The following GPC5 variants were observed in gnomAD, a reference collection of about 807,000 sequenced individuals.
The protein encoded by GPC5 is glypican-5.
Under a neutral mutation model 53.9 loss-of-function variants are expected in GPC5, and 47 were observed. The observed-to-expected ratio is 0.87, with a 90% CI of 0.69 to 1.11. The LOEUF is 1.11. GPC5 is among the 50% of genes most tolerant of loss of function. The pLI is 0.00. For missense variants in GPC5, 748 were observed against 713.1 expected (o/e 1.05, Z -0.56); for synonymous variants, 286 against 263.3 (o/e 1.09, Z -0.84).
chr13:92,660,945 A>G (rs9523755), intron 7 of GPC5, among the ~76,000 whole-genome samples: 87,220 of 151,816 alleles, frequency 0.57, 28,318 homozygotes, highest in Non-Finnish European at 0.75. Flanking sequence ...AACAACTTTT[A>G]TATTAGATAG....
At chr13:91,706,980 G>A (rs1384771063) in intron 3 of GPC5, among the ~76,000 whole-genome samples, 1 of 151,898 alleles carries the variant, frequency 6.6e-6, no homozygotes, top group Non-Finnish European at 1.5e-5. Flanking sequence ...AATAGAAATA[G>A]AAAACTGGAA....
intron 5 of GPC5, among the ~76,000 whole-genome samples, chr13:91,795,341 T>A (rs1594570970): frequency 1.3e-5 from 2 of 152,312 alleles, no homozygotes; most frequent in East Asian, 3.9e-4. Flanking sequence ...TTAAAGGATT[T>A]CTCATTGAAA....
At chr13:92,119,152 G>C (rs370753535) in intron 6 of GPC5, among the ~76,000 whole-genome samples, 1 of 152,072 alleles carries the variant, frequency 6.6e-6, no homozygotes, top group Non-Finnish European at 1.5e-5. Context: ...CTTACATGGC[G>C]GCAGGCAAGA....
chr13:91,921,265 T>C (rs2039711408), intron 6 of GPC5, among the ~76,000 whole-genome samples: 1 of 152,098 alleles, frequency 6.6e-6, no homozygotes, highest in Non-Finnish European at 1.5e-5. Context: ...ACCTTTTGTA[T>C]AGAGCTGCTG....
At chr13:92,496,195 T>C (rs1461944823) in intron 7 of GPC5, among the ~76,000 whole-genome samples, 1 of 152,162 alleles carries the variant, frequency 6.6e-6, no homozygotes, top group Non-Finnish European at 1.5e-5. Flanking sequence ...TTATTGATCA[T>C]TTGTGTTTGA....
chr13:92,344,391 G>C (rs1421252620), intron 7 of GPC5, among the ~76,000 whole-genome samples: 1 of 152,118 alleles, frequency 6.6e-6, no homozygotes, highest in Non-Finnish European at 1.5e-5. Flanking sequence ...TGCAAGTCAA[G>C]ATGAGATTTG....
chr13:91,552,521 G>A (rs2030701884), intron 2 of GPC5, among the ~76,000 whole-genome samples: 1 of 151,960 alleles, frequency 6.6e-6, no homozygotes, highest in African/African-American at 2.4e-5. Flanking sequence ...TTTATTAACA[G>A]CAAACCAGTC....
intron 7 of GPC5, among the ~76,000 whole-genome samples, chr13:92,695,188 C>T (rs1031178753): frequency 5.9e-5 from 9 of 152,128 alleles, no homozygotes; most frequent in African/African-American, 2.2e-4. Flanking sequence ...CGACTACAAG[C>T]AGTTTTTCAT....
At chr13:91,800,565 T>G (rs968000296) in intron 5 of GPC5, among the ~76,000 whole-genome samples, 9 of 152,138 alleles carry the variant, frequency 5.9e-5, no homozygotes, top group African/African-American at 2.2e-4. Context: ...CTTCACTGTT[T>G]ACGTTTTCAA....
intron 2 of GPC5, among the ~76,000 whole-genome samples, chr13:91,465,437 G>A (rs1191605339): frequency 6.6e-6 from 1 of 151,974 alleles, no homozygotes; most frequent in African/African-American, 2.4e-5. Flanking sequence ...TCTGTGTCTG[G>A]CTTCTTCCAC....
chr13:91,712,312 GTATATGTGTGTGTGTGTA>G (rs1311751619), intron 3 of GPC5, among the ~76,000 whole-genome samples: 1 of 151,428 alleles, frequency 6.6e-6, no homozygotes, highest in African/African-American at 2.4e-5. Flanking sequence ...GTGTGTGTGT[GTATATGTGTGTGTGTGTA>G]TATATATATG....
intron 7 of GPC5, among the ~76,000 whole-genome samples, chr13:92,378,262 A>G (rs1292111565): frequency 6.6e-6 from 1 of 152,200 alleles, no homozygotes; most frequent in African/African-American, 2.4e-5. Flanking sequence ...ATGTGAAATT[A>G]AGGGGTAGGG....
At chr13:91,514,843 A>G (rs1885409949) in intron 2 of GPC5, among the ~76,000 whole-genome samples, 1 of 152,110 alleles carries the variant, frequency 6.6e-6, no homozygotes, top group Admixed American at 6.6e-5. Context: ...TATATCTCAT[A>G]CTTTCTATAT....
intron 7 of GPC5, among the ~76,000 whole-genome samples, chr13:92,154,306 A>C (rs909226176): frequency 4.6e-5 from 7 of 152,320 alleles, no homozygotes; most frequent in Admixed American, 1.3e-4. Context: ...ACTAGGGATC[A>C]CATTTCAACA....
intron 7 of GPC5, among the ~76,000 whole-genome samples, chr13:92,710,099 C>T (rs1359718792): frequency 6.6e-6 from 1 of 152,204 alleles, no homozygotes; most frequent in Non-Finnish European, 1.5e-5. Flanking sequence ...TGTACATAAA[C>T]TTCCAGAATA....
rs1037108546 is a variant in GPC5, at chr13:91,704,395, C to T, written c.1020+10514C>T. 2.0e-5 allele frequency among the ~76,000 whole-genome samples: 3 copies of T among 152,304 alleles called. No homozygotes were observed. In the South Asian group the frequency reaches 6.2e-4, roughly 32 times the overall value. Reference sequence around the variant, plus strand: ...TTATATGACCATAGAAGGCATGACCCACCCCCGCCACAGAGCATTCCTAGG... The same window carrying T: ...TTATATGACCATAGAAGGCATGACCTACCCCCGCCACAGAGCATTCCTAGG... On this transcript the variant is annotated intron_variant, in intron 3 of 7. Coordinates refer to ENST00000377067, the MANE Select transcript of GPC5 (RefSeq NM_004466.6).
At chr13:92,693,511 A>AT (rs1263819632) in intron 7 of GPC5, among the ~76,000 whole-genome samples, 1 of 152,166 alleles carries the variant, frequency 6.6e-6, no homozygotes, top group Non-Finnish European at 1.5e-5. Flanking sequence ...ATGCTTTAGA[A>AT]AAGAGACTGG....
chr13:91,780,974 G>A (rs2037788917), intron 5 of GPC5, among the ~76,000 whole-genome samples: 1 of 152,162 alleles, frequency 6.6e-6, no homozygotes, highest in African/African-American at 2.4e-5. Context: ...GAAGTTGCAA[G>A]AGAAGAGTAT....
At chr13:92,774,533 A>G (rs1875730155) in intron 7 of GPC5, among the ~76,000 whole-genome samples, 2 of 152,150 alleles carry the variant, frequency 1.3e-5, no homozygotes, top group South Asian at 4.1e-4. Flanking sequence ...ACTCCTCTCC[A>G]ATCAGAATTA....
Sources: gnomAD v4.1 joint callset for allele counts (sites outside exome capture counted in the v4.1 genomes callset) on GRCh38, gnomAD v4.1.1 for gene constraint, MANE v1.5 for transcripts, NCBI Gene and HGNC (gene_info 2026-07-23, HGNC 2026-07-21) for gene names.